RIMS1: variants seen among roughly 807,000 people sequenced by gnomAD.
RIMS1 encodes the protein regulating synaptic membrane exocytosis protein 1.
In RIMS1, 83 loss-of-function variants were observed where a neutral mutation model predicts 214.1. The ratio of observed to expected loss-of-function variants is 0.39; its 90% CI spans 0.32 to 0.47. The LOEUF is 0.47. Ranked by LOEUF, RIMS1 falls within the 20% of genes least tolerant of loss-of-function variation. RIMS1 has a pLI of 0.99. For missense variants in RIMS1, 2,050 were observed against 2,161.8 expected (o/e 0.95, Z 1.03); for synonymous variants, 793 against 786.8 (o/e 1.01, Z -0.13).
intron 27 of RIMS1, among the ~76,000 whole-genome samples, chr6:72,311,744 G>A (rs1025496070): frequency 2.6e-5 from 4 of 152,160 alleles, no homozygotes; most frequent in Non-Finnish European, 5.9e-5. Flanking sequence ...GCCGAGGTGG[G>A]TGGATTGTCT....
At chr6:72,203,313 A>G (rs2052363477) in intron 6 of RIMS1, among the ~76,000 whole-genome samples, 1 of 152,188 alleles carries the variant, frequency 6.6e-6, no homozygotes, top group Non-Finnish European at 1.5e-5. Context: ...TATGGCACCA[A>G]ATAGGATGCA....
At chr6:72,222,215 AT>A (rs1468169136) in intron 6 of RIMS1, among the ~76,000 whole-genome samples, 3 of 151,976 alleles carry the variant, frequency 2.0e-5, no homozygotes, top group African/African-American at 7.2e-5. Flanking sequence ...TTGCAATTTT[AT>A]TTTTTTGACC....
At position 72,333,762 on chromosome 6, in the gene RIMS1, A is replaced by T; in HGVS notation, c.4293A>T (p.Arg1431Ser). 1 of 1,599,406 alleles carries T rather than the reference A, an allele frequency of 6.3e-7. No homozygotes were observed. Among genetic ancestry groups the T allele is most frequent in the Non-Finnish European group, 8.5e-7 (1 of 1,172,902 alleles). The change falls in exon 29 of 34, where the codon AGA becomes AGT. Residue 1431 changes from arginine to serine, a missense_variant. Arg to Ser is a moderately radical substitution (Grantham distance 110, BLOSUM62 -1). Around this residue, in one of 6 missense-constraint regions of RIMS1, gnomAD observed 889 missense variants for 885.5 expected, o/e 1.00. Transcript: ENST00000521978. ...TTGGAGCAGGTGGAAAGAAACGGAGATCCAGCCTTAGTGCCAAAGTGGTTG... is the reference window on the plus strand; with the variant it reads ...TTGGAGCAGGTGGAAAGAAACGGAGTTCCAGCCTTAGTGCCAAAGTGGTTG... Reference protein sequence around the residue: ...GTVGAGGKKRRSSLSAKVVAI... With the variant: ...GTVGAGGKKRSSSLSAKVVAI...
intron 29 of RIMS1, among the ~76,000 whole-genome samples, chr6:72,357,848 A>G (rs527457518): frequency 2.0e-5 from 3 of 152,350 alleles, no homozygotes; most frequent in South Asian, 2.1e-4. Flanking sequence ...TGACAATGCT[A>G]AAAGTATCAC....
chr6:72,300,548 T>C (rs886287948), intron 26 of RIMS1, among the ~76,000 whole-genome samples: 6 of 151,812 alleles, frequency 4.0e-5, no homozygotes, highest in Non-Finnish European at 7.4e-5. Context: ...CATGGCTTCC[T>C]CAGTGATTGG....
At chr6:72,006,610 C>A (rs368645839) in intron 2 of RIMS1, among the ~76,000 whole-genome samples, 3 of 152,170 alleles carry the variant, frequency 2.0e-5, no homozygotes, top group Non-Finnish European at 4.4e-5. Flanking sequence ...CCTGGAAAAT[C>A]GGGTCACTCC....
At chr6:71,929,216 A>G (rs1029119427) in intron 1 of RIMS1, among the ~76,000 whole-genome samples, 10 of 152,082 alleles carry the variant, frequency 6.6e-5, no homozygotes, top group South Asian at 2.1e-4. Context: ...ATTTCAGTTC[A>G]TGCTGTGTTC....
chr6:71,960,667 A>G (rs563841219), intron 1 of RIMS1, among the ~76,000 whole-genome samples: 8 of 152,048 alleles, frequency 5.3e-5, no homozygotes, highest in Non-Finnish European at 8.8e-5. Flanking sequence ...ATTACTGTAG[A>G]TTGTCATTCC....
chr6:72,343,979 A>G (rs2097181848), intron 29 of RIMS1, among the ~76,000 whole-genome samples: 1 of 151,982 alleles, frequency 6.6e-6, no homozygotes, highest in East Asian at 1.9e-4. Context: ...TGTAACTCAC[A>G]TCTAAAGGGA....
At chr6:72,165,906 G>T (rs1380312988) in intron 4 of RIMS1, among the ~76,000 whole-genome samples, 1 of 152,086 alleles carries the variant, frequency 6.6e-6, no homozygotes, top group Non-Finnish European at 1.5e-5. Flanking sequence ...GGGGGAACTG[G>T]CACCTTAACA....
At chr6:72,286,154 G>A (rs868508127) in intron 24 of RIMS1, among the ~76,000 whole-genome samples, 47 of 150,854 alleles carry the variant, frequency 3.1e-4, no homozygotes, top group East Asian at 5.9e-4. Flanking sequence ...CCGAGATTGC[G>A]CCATTGCACT....
chr6:71,934,995 T>C (rs1784061061), intron 1 of RIMS1, among the ~76,000 whole-genome samples: 1 of 152,146 alleles, frequency 6.6e-6, no homozygotes, highest in African/African-American at 2.4e-5. Context: ...ATTTTTAACA[T>C]TGAGACCAGT....
chr6:72,333,831 A>C lies in RIMS1; in HGVS notation c.4362A>C (p.Gln1454His). Residue 1454 changes from glutamine to histidine, a missense_variant, in exon 29 of 34, where the codon CAA becomes CAC. This residue lies in a region of RIMS1 where 889 missense variants were observed against 885.5 expected (regional missense o/e 1.00). Transcript: ENST00000521978. The part of the protein sequence containing the change: ...RRSRSTSQLS[Q>H]TESGHKKLKS... ...GTAGAAGCACATCCCAGCTTAGTCA[A>C]ACAGGTGAGTGATGTGAATTCAACC... 1 of 1,572,842 alleles carries C rather than the reference A, an allele frequency of 6.4e-7. No individual in the cohort carries two copies. The highest frequency in any genetic ancestry group is 8.6e-7 in the Non-Finnish European group (1 of 1,157,900).
chr6:72,340,660 G>A lies in RIMS1; in HGVS notation c.4366+6825G>A, dbSNP rs1417716951. Among the ~76,000 whole-genome samples the A allele has an allele frequency of 3.3e-5, 5 of 152,074 alleles. No individual in the cohort carries two copies. In the South Asian group the frequency reaches 6.2e-4, roughly 19 times the overall value. Reference sequence around the variant, plus strand: ...GGTCTATATCTCTGTTTTGGTACCAGTACCATGCTATTTTCGTTTTTGTAG... The same window carrying A: ...GGTCTATATCTCTGTTTTGGTACCAATACCATGCTATTTTCGTTTTTGTAG... On this transcript the variant is annotated intron_variant, in intron 29 of 33. Coordinates refer to ENST00000521978, the MANE Select transcript of RIMS1 (RefSeq NM_014989.7).
At chr6:71,931,773 T>A (rs1783122827) in intron 1 of RIMS1, among the ~76,000 whole-genome samples, 1 of 152,014 alleles carries the variant, frequency 6.6e-6, no homozygotes, top group Admixed American at 6.6e-5. Flanking sequence ...TGTCAATTTT[T>A]GCTTTTGTTG....
chr6:72,361,367 A>G (rs2097820132), intron 29 of RIMS1, among the ~76,000 whole-genome samples: 1 of 151,708 alleles, frequency 6.6e-6, no homozygotes, highest in Non-Finnish European at 1.5e-5. Flanking sequence ...CGGCCTCCCA[A>G]AGTGCTGGGA....
intron 2 of RIMS1, among the ~76,000 whole-genome samples, chr6:72,029,851 G>T (rs1020070070): frequency 1.2e-4 from 18 of 152,120 alleles, no homozygotes; most frequent in Non-Finnish European, 2.6e-4. Context: ...TTTGTTGAGT[G>T]ATGTCATACT....
In RIMS1 at chr6:72,260,069, T is replaced by G. The variant is rs79815955; in HGVS notation, c.3054-636T>G. Among the ~76,000 whole-genome samples, 1,309 of 152,162 alleles carry G rather than the reference T, an allele frequency of 8.6e-3. 9 individuals carry two copies. Among genetic ancestry groups the G allele is most frequent in the East Asian group, 0.028 (147 of 5,178 alleles). ...GGAATAGGATTCCAGACATCTCAGC[T>G]TGAGTTGAATGAGGGCTATTTTATC... On this transcript the variant is annotated intron_variant, in intron 18 of 33. Transcript: ENST00000521978.
intron 24 of RIMS1, among the ~76,000 whole-genome samples, chr6:72,286,877 A>G (rs2092416539): frequency 1.3e-5 from 2 of 152,212 alleles, no homozygotes; most frequent in Admixed American, 1.3e-4. Context: ...ATTGCCCTCA[A>G]CAAATGTAAC....
Sources: allele counts gnomAD v4.1 joint callset (sites outside exome capture counted in the v4.1 genomes callset), GRCh38; gene constraint gnomAD v4.1.1; regional missense constraint gnomAD v4.1.1; transcripts MANE v1.5; gene names NCBI Gene and HGNC (gene_info 2026-07-23, HGNC 2026-07-21).